The following UBXN2B variants were observed in gnomAD, a reference collection of about 807,000 sequenced individuals.
UBXN2B encodes the protein UBX domain-containing protein 2B.
UBXN2B carries 19 observed loss-of-function variants against 37.5 expected under a neutral mutation model. That is an observed-to-expected ratio of 0.51 (90% CI 0.35 to 0.74). UBXN2B has a LOEUF of 0.74. Among genes scored for constraint, UBXN2B ranks in the 30% least tolerant of loss-of-function variants. The pLI, the probability that UBXN2B is intolerant of heterozygous loss-of-function variation, is 0.01. For synonymous variants in UBXN2B, 145 were observed against 143.8 expected (o/e 1.01, Z -0.06); for missense variants, 370 against 393.2 (o/e 0.94, Z 0.50).
At position 58,450,897 on chromosome 8, in the gene UBXN2B, T is replaced by G. The variant is rs2129604858; in HGVS notation, c.*3346T>G. Reference sequence around the variant, plus strand: ...GGTGAGCCCACCACTGCAGAGAAGTTTTCTCAGTGCCGTAATATAGAGGAA... The same window carrying G: ...GGTGAGCCCACCACTGCAGAGAAGTGTTCTCAGTGCCGTAATATAGAGGAA... On this transcript the variant is annotated 3_prime_UTR_variant, in exon 8 of 8. Transcript: ENST00000399598. The G allele has an allele frequency of 6.6e-6, 1 of 152,396 alleles. No individual in the cohort carries two copies. The highest frequency in any genetic ancestry group is 2.1e-4 in the South Asian group (1 of 4,822). 9.4% of individuals were successfully genotyped at this position (152,396 alleles called of 1,614,324 possible).
chr8:58,440,011 C>G (rs1423045964), intron 6 of UBXN2B, among the ~76,000 whole-genome samples: 1 of 152,098 alleles, frequency 6.6e-6, no homozygotes, highest in African/African-American at 2.4e-5. Flanking sequence ...GTTTGTGGCC[C>G]TCTAAGCCGT....
Position 58,434,367 on chromosome 8 carries a change from ATATT to A in UBXN2B, c.424-26_424-23del, listed in dbSNP as rs757809584. ...TATGTGAATATATATATATATATAT[ATATT>A]TTTTTTTTTTCTATACCCAAAAGGT... is the stretch of plus-strand genomic sequence containing the variant. On this transcript the variant is annotated intron_variant, in intron 4 of 7. Transcript: ENST00000399598. The A allele has an allele frequency of 3.4e-3, 1,508 of 442,642 alleles. 3 individuals are homozygous for A. Among genetic ancestry groups the A allele is most frequent in the African/African-American group, 0.015 (596 of 39,014 alleles). 27.4% of individuals were successfully genotyped at this position (442,642 alleles called of 1,614,324 possible).
chr8:58,430,388 T>G (rs1316770680), intron 2 of UBXN2B, 131 bp from the exon 3 acceptor site: 1 of 579,712 alleles, frequency 1.7e-6, no homozygotes, highest in African/African-American at 1.9e-5. Flanking sequence ...AAAAATTAAA[T>G]ATTCTCATAG....
rs751127051 is a variant in UBXN2B, at chr8:58,446,037, C to T, written c.802C>T (p.Arg268Cys). The change falls in exon 7 of 8, where the codon CGT (arginine) becomes TGT (cysteine). Residue 268 changes from arginine (R) to cysteine (C), a missense_variant. Around this residue, in one of 3 missense-constraint regions of UBXN2B, gnomAD observed 83 missense variants for 83.5 expected, o/e 0.99. Coordinates refer to ENST00000399598, the MANE Select transcript of UBXN2B (RefSeq NM_001077619.2). ...TCAAATCAGGTTAGCAGATGGGAGT[C>T]GTTTGATACAAAGATTCAATAGTAC... ...KIQIRLADGS[R>C]LIQRFNSTHR... The T allele has an allele frequency of 3.1e-6, 5 of 1,612,036 alleles. No individual in the cohort carries two copies. In the Admixed American group the frequency reaches 5.0e-5, roughly 16 times the overall value.
rs985511960 is a variant in UBXN2B, at chr8:58,419,406, C to A, written c.188+2453C>A. Reference sequence around the variant, plus strand: ...GTTATTGTCTCATTGTCATTTTAAGCCAAGACAGTTTCATTATCTGAAACT... The same window carrying A: ...GTTATTGTCTCATTGTCATTTTAAGACAAGACAGTTTCATTATCTGAAACT... On this transcript the variant is annotated intron_variant, in intron 2 of 7. Coordinates refer to ENST00000399598, the MANE Select transcript of UBXN2B (RefSeq NM_001077619.2). Among the ~76,000 whole-genome samples, 5 of 151,988 alleles carry A rather than the reference C, an allele frequency of 3.3e-5. No homozygotes were observed. In the South Asian group the frequency reaches 6.2e-4, roughly 19 times the overall value.
Position 58,451,139 on chromosome 8 carries a change from C to A in UBXN2B, c.*3588C>A, listed in dbSNP as rs568940687. The A allele has an allele frequency of 6.6e-6, 1 of 152,652 alleles. No homozygotes were observed. The highest frequency in any genetic ancestry group is 2.1e-4 in the South Asian group (1 of 4,824). The allele number at this position is 152,652 out of a possible 1,614,324, so 9.5% of individuals were successfully genotyped here. ...AACAAAACAGGAAAAATAACCAATC[C>A]TTGTAAAATTATTTGAAATTTTCTT... On this transcript the variant is annotated 3_prime_UTR_variant, in exon 8 of 8. Coordinates refer to ENST00000399598, the MANE Select transcript of UBXN2B (RefSeq NM_001077619.2).
chr8:58,419,562 C>T (rs62512909), intron 2 of UBXN2B, among the ~76,000 whole-genome samples: 4,509 of 152,250 alleles, frequency 0.03, 94 homozygotes, highest in Non-Finnish European at 0.042. Context: ...ACAATCAGAA[C>T]TTGGATATGT....
intron 3 of UBXN2B, 120 bp from the exon 4 acceptor site, chr8:58,433,040 C>A: frequency 1.5e-6 from 1 of 673,134 alleles, no homozygotes; most frequent in Non-Finnish European, 2.4e-6. Context: ...TTCTTGAAGG[C>A]TCCCCAGTAT....
intron 6 of UBXN2B, 48 bp from the exon 7 acceptor site, chr8:58,445,859 G>T: frequency 6.7e-7 from 1 of 1,498,390 alleles, no homozygotes; most frequent in Non-Finnish European, 8.9e-7. Context: ...TCTTCAGTTT[G>T]TCATATATTT....
intron 2 of UBXN2B, among the ~76,000 whole-genome samples, chr8:58,422,596 T>C (rs1807957222): frequency 6.6e-6 from 1 of 152,260 alleles, no homozygotes; most frequent in Non-Finnish European, 1.5e-5. Context: ...TCGTTCAACC[T>C]GGCTGGAGGC....
chr8:58,418,598 T>G (rs1274407226), intron 2 of UBXN2B, among the ~76,000 whole-genome samples: 1 of 152,214 alleles, frequency 6.6e-6, no homozygotes, highest in African/African-American at 2.4e-5. Flanking sequence ...GTCTGCTATT[T>G]ATTACATGAC....
chr8:58,424,603 C>T, intron 2 of UBXN2B: 1 of 1,135,734 alleles, frequency 8.8e-7, no homozygotes, highest in Non-Finnish European at 1.3e-6. Flanking sequence ...TGAAACTCTT[C>T]TGCTGTTGCA....
chr8:58,428,013 G>C (rs1281309998), intron 2 of UBXN2B, among the ~76,000 whole-genome samples: 3 of 152,164 alleles, frequency 2.0e-5, no homozygotes, highest in Admixed American at 2.0e-4. Context: ...ACAGCGAAAG[G>C]GAGAAGAAGG....
At chr8:58,426,906 T>C (rs1283535013) in intron 2 of UBXN2B, among the ~76,000 whole-genome samples, 1 of 152,230 alleles carries the variant, frequency 6.6e-6, no homozygotes, top group East Asian at 1.9e-4. Flanking sequence ...TTTTTTTCTC[T>C]GTCTTCTAAT....
intron 3 of UBXN2B, among the ~76,000 whole-genome samples, chr8:58,431,081 C>A (rs74963323): frequency 0.027 from 4,158 of 152,272 alleles, 172 homozygotes; most frequent in African/African-American, 0.094. Flanking sequence ...AACTGAAACT[C>A]TCCTTCATAG....
At chr8:58,420,695 G>A (rs910527052) in intron 2 of UBXN2B, among the ~76,000 whole-genome samples, 1 of 152,090 alleles carries the variant, frequency 6.6e-6, no homozygotes, top group African/African-American at 2.4e-5. Flanking sequence ...TGAGGCTTAG[G>A]ATGAAAACTT....
intron 3 of UBXN2B, among the ~76,000 whole-genome samples, chr8:58,431,281 T>C (rs955119545): frequency 2.0e-5 from 3 of 152,210 alleles, no homozygotes; most frequent in Non-Finnish European, 4.4e-5. Flanking sequence ...AAGACCAGCC[T>C]GGCCAACATG....
At chr8:58,421,888 A>G (rs895155918) in intron 2 of UBXN2B, among the ~76,000 whole-genome samples, 3 of 152,230 alleles carry the variant, frequency 2.0e-5, no homozygotes, top group Admixed American at 2.0e-4. Context: ...TCAATATAAC[A>G]AACAAAGCTA....
chr8:58,419,309 G>A (rs1255101873), intron 2 of UBXN2B, among the ~76,000 whole-genome samples: 1 of 152,088 alleles, frequency 6.6e-6, no homozygotes, highest in Admixed American at 6.5e-5. Flanking sequence ...TATTTCTACA[G>A]GTCTGTTTGG....
Sources: allele counts gnomAD v4.1 joint callset (sites outside exome capture counted in the v4.1 genomes callset), GRCh38; gene constraint gnomAD v4.1.1; regional missense constraint gnomAD v4.1.1; transcripts MANE v1.5; gene names NCBI Gene and HGNC (gene_info 2026-07-23, HGNC 2026-07-21).